Variants in CACNA1E observed in about 807,000 individuals in gnomAD.
CACNA1E encodes voltage-dependent R-type calcium channel subunit alpha-1E.
A neutral mutation model predicts 259.2 loss-of-function variants in CACNA1E; 40 were observed. The ratio of observed to expected loss-of-function variants is 0.15; its 90% CI spans 0.12 to 0.20. The LOEUF is 0.20. CACNA1E is among the 10% of genes least tolerant of loss of function. CACNA1E has a pLI of 1.00. For missense variants in CACNA1E, 1,874 were observed against 3,040.1 expected (o/e 0.62, Z 9.02); for synonymous variants, 1,104 against 1,138.5 (o/e 0.97, Z 0.61).
intron 3 of CACNA1E, among the ~76,000 whole-genome samples, chr1:181,561,872 CG>C (rs1649363143): frequency 6.6e-6 from 1 of 152,140 alleles, no homozygotes; most frequent in Non-Finnish European, 1.5e-5. Flanking sequence ...AGTTGCTCCA[CG>C]TTCTAAGCAG....
intron 7 of CACNA1E, among the ~76,000 whole-genome samples, chr1:181,685,449 G>A (rs1437675509): frequency 6.6e-6 from 1 of 152,048 alleles, no homozygotes; most frequent in Non-Finnish European, 1.5e-5. Context: ...CAGTTTCATT[G>A]CACAATCTTC....
intron 36 of CACNA1E, among the ~76,000 whole-genome samples, chr1:181,771,795 C>A (rs1356240500): frequency 6.6e-6 from 1 of 152,116 alleles, no homozygotes; most frequent in African/African-American, 2.4e-5. Flanking sequence ...CTTAGATAGC[C>A]AGGTTTATGC....
intron 3 of CACNA1E, among the ~76,000 whole-genome samples, chr1:181,565,728 A>G (rs930437859): frequency 1.3e-5 from 2 of 152,198 alleles, no homozygotes. Flanking sequence ...ATAGCTAATC[A>G]TGGGGCTTGG....
chr1:181,779,466 T>G, intron 38 of CACNA1E: 1 of 454,628 alleles, frequency 2.2e-6, no homozygotes, highest in Non-Finnish European at 4.4e-6. Flanking sequence ...TATAAGGATA[T>G]GTACAAATTA....
chr1:181,699,042 TG>T (rs1651977190), intron 7 of CACNA1E, among the ~76,000 whole-genome samples: 1 of 152,170 alleles, frequency 6.6e-6, no homozygotes, highest in African/African-American at 2.4e-5. Flanking sequence ...AAAGAATAGG[TG>T]TACAGCTTGT....
intron 3 of CACNA1E, among the ~76,000 whole-genome samples, chr1:181,529,838 A>G (rs1331911004): frequency 6.6e-6 from 1 of 152,186 alleles, no homozygotes; most frequent in Non-Finnish European, 1.5e-5. Context: ...TTGATTTTAC[A>G]GGCTCATAGG....
In CACNA1E at chr1:181,325,674, TA is replaced by T. The variant is rs1342455379; in HGVS notation, c.-15+7552del. 1.5e-4 allele frequency among the ~76,000 whole-genome samples: 23 copies of T among 151,990 alleles called. No individual in the cohort carries two copies. In the East Asian group the frequency reaches 4.0e-3, roughly 27 times the overall value. On this transcript the variant is annotated intron_variant, in intron 1 of 11. Coordinates refer to the CACNA1E transcript ENST00000524607. ...ATTTATTTATTTATTTTTAAATTTT[TA>T]TTTTTATTTTATTGAATTATTTTTG... is the stretch of plus-strand genomic sequence containing the variant.
intron 6 of CACNA1E, among the ~76,000 whole-genome samples, chr1:181,613,093 GTA>G (rs1312733099): frequency 6.6e-6 from 1 of 152,072 alleles, no homozygotes. Context: ...CTATTCCATT[GTA>G]TCTCTTTGTA....
At chr1:181,735,443 G>A (rs1452304559) in intron 21 of CACNA1E, among the ~76,000 whole-genome samples, 5 of 152,210 alleles carry the variant, frequency 3.3e-5, no homozygotes, top group African/African-American at 1.2e-4. Context: ...AGGGTTCCAG[G>A]GTGGAGTCAT....
chr1:181,661,044 A>G (rs1456603690), intron 7 of CACNA1E, among the ~76,000 whole-genome samples: 1 of 152,296 alleles, frequency 6.6e-6, no homozygotes, highest in African/African-American at 2.4e-5. Context: ...GGTAAGGCCA[A>G]CTGAGGCAGG....
intron 2 of CACNA1E, among the ~76,000 whole-genome samples, 195 bp downstream of exon 2, chr1:181,510,777 C>A (rs1666096910): frequency 6.6e-6 from 1 of 152,234 alleles, no homozygotes; most frequent in African/African-American, 2.4e-5. Flanking sequence ...TGTGTCTGTG[C>A]TGCGTGGCAG....
chr1:181,336,516 T>A (rs1046638686), intron 1 of CACNA1E, among the ~76,000 whole-genome samples: 2 of 152,216 alleles, frequency 1.3e-5, no homozygotes, highest in Non-Finnish European at 2.9e-5. Flanking sequence ...GTACTCTTTG[T>A]GTATTGTTTA....
At chr1:181,635,938 A>G (rs58046831) in intron 6 of CACNA1E, among the ~76,000 whole-genome samples, 3,527 of 152,314 alleles carry the variant, frequency 0.023, 116 homozygotes, top group African/African-American at 0.077. Flanking sequence ...CAAAAGACAC[A>G]GTAAATAAGT....
intron 43 of CACNA1E, among the ~76,000 whole-genome samples, chr1:181,786,326 G>A (rs1341068996): frequency 1.3e-5 from 2 of 152,120 alleles, no homozygotes; most frequent in Admixed American, 6.5e-5. Context: ...CTATACCCTG[G>A]AGGTATATAT....
At chr1:181,545,391 T>G (rs1195265169) in intron 3 of CACNA1E, among the ~76,000 whole-genome samples, 1 of 152,264 alleles carries the variant, frequency 6.6e-6, no homozygotes, top group African/African-American at 2.4e-5. Flanking sequence ...TTTTAGATGT[T>G]CGTCCATTCC....
rs536386497 is a variant in CACNA1E, at chr1:181,798,732, C to A, written c.6840C>A (p.Asn2280Lys). Residue 2280 changes from asparagine to lysine, a missense_variant, in exon 48 of 48, where the codon AAC becomes AAA. By Grantham distance (94) the Asn-to-Lys change is moderately conservative. Around this residue, in one of 14 missense-constraint regions of CACNA1E, gnomAD observed 542 missense variants for 587.2 expected, o/e 0.92. Transcript: ENST00000367573. This position sits in a 1 kb window ranked among gnomAD's most constrained non-coding sequence, Gnocchi z 4.2. ...PPLRHSWQMPNGHYRRRRRGG... is the reference protein window; with the variant it reads ...PPLRHSWQMPKGHYRRRRRGG... ...TGCGGCATAGCTGGCAGATGCCCAA[C>A]GGGCACTATCGGCGGCGGAGGCGCG... is the stretch of plus-strand genomic sequence containing the variant. The A allele has an allele frequency of 1.2e-6, 2 of 1,607,226 alleles. No homozygotes were observed. Among genetic ancestry groups the A allele is most frequent in the African/African-American group, 2.7e-5 (2 of 74,822 alleles).
At chr1:181,416,795 C>G (rs989875318) in intron 2 of CACNA1E, among the ~76,000 whole-genome samples, 12 of 152,178 alleles carry the variant, frequency 7.9e-5, no homozygotes, top group African/African-American at 2.9e-4. Flanking sequence ...ATAATACCAC[C>G]TACTACCCCT....
At chr1:181,391,937 C>CTGTGTGTGTG (rs1490839276) in intron 1 of CACNA1E, among the ~76,000 whole-genome samples, 1 of 74,866 alleles carries the variant, frequency 1.3e-5, no homozygotes, top group Non-Finnish European at 3.3e-5. Context: ...CTCTCTCTCT[C>CTGTGTGTGTG]TCTCTCTCTG....
chr1:181,320,902 T>A (rs779354920), intron 1 of CACNA1E, among the ~76,000 whole-genome samples: 3 of 152,286 alleles, frequency 2.0e-5, no homozygotes, highest in Admixed American at 6.5e-5. Flanking sequence ...GATAATTTAT[T>A]TTAAAAAAAG....
Sources: gnomAD v4.1 joint callset for allele counts (sites outside exome capture counted in the v4.1 genomes callset) on GRCh38, gnomAD v4.1.1 for gene constraint, gnomAD v4.1.1 regional missense constraint, Gnocchi (gnomAD v3.1) non-coding constraint, MANE v1.5 for transcripts, NCBI Gene and HGNC (gene_info 2026-07-23, HGNC 2026-07-21) for gene names.